The following MCUB variants were observed in gnomAD, a reference collection of about 807,000 sequenced individuals.
MCUB encodes the protein calcium uniporter regulatory subunit MCUb, mitochondrial.
MCUB carries 46 observed loss-of-function variants against 41.4 expected under a neutral mutation model. That is an observed-to-expected ratio of 1.11 (90% CI 0.88 to 1.42). MCUB has a LOEUF of 1.42. MCUB is among the 40% of genes most tolerant of loss of function. MCUB has a pLI of 0.00. For synonymous variants in MCUB, 148 were observed against 148.2 expected (o/e 1.00, Z 0.01); for missense variants, 403 against 404.9 (o/e 1.00, Z 0.04).
At chr4:109,681,087 C>T (rs796733701) in intron 4 of MCUB, among the ~76,000 whole-genome samples, 42 of 152,082 alleles carry the variant, frequency 2.8e-4, no homozygotes, top group African/African-American at 1.0e-3. Context: ...GGGATGGACC[C>T]CTGTGATAAG....
At position 109,560,344 on chromosome 4, in the gene MCUB, C is replaced by T; in HGVS notation, c.7C>T (p.Gln3Ter). 7.7e-7 allele frequency: 1 copy of T among 1,297,160 alleles called. No individual in the cohort carries two copies. The highest frequency in any genetic ancestry group is 9.8e-7 in the Non-Finnish European group (1 of 1,023,226). The allele number at this position is 1,297,160 out of a possible 1,614,324, so 80.4% of individuals were successfully genotyped here. A position where few individuals can be genotyped will look rare whatever the true frequency, so the allele number is the denominator to read the frequency against. The change falls in exon 1 of 8, where the codon CAG (glutamine) becomes TAG (stop). Residue 3 changes from glutamine to a stop codon, truncating the protein, a stop_gained. Coordinates refer to ENST00000394650, the MANE Select transcript of MCUB (RefSeq NM_017918.5). LOFTEE classifies it high-confidence loss of function. ML[Q>*]RGLWPWRTRL... is the part of the protein sequence containing the mutation. ...GCGCGCCTGGGGCGGGAGGATGCTC[C>T]AGAGGGGCCTCTGGCCGTGGCGCAC...
intron 1 of MCUB, among the ~76,000 whole-genome samples, chr4:109,563,746 C>T (rs548790461): frequency 2.6e-5 from 4 of 152,130 alleles, no homozygotes; most frequent in Non-Finnish European, 5.9e-5. Context: ...TCATTTGTGT[C>T]TTGGCAGAAA....
chr4:109,564,853 ATAAG>A (rs1317936070), intron 1 of MCUB, among the ~76,000 whole-genome samples: 1 of 152,222 alleles, frequency 6.6e-6, no homozygotes, highest in Non-Finnish European at 1.5e-5. Flanking sequence ...ATCCACTTCC[ATAAG>A]TGAGTGAGGA....
intron 1 of MCUB, among the ~76,000 whole-genome samples, chr4:109,611,508 A>G (rs548331620): frequency 6.6e-6 from 1 of 152,362 alleles, no homozygotes; most frequent in South Asian, 2.1e-4. Context: ...AGCAAAATCC[A>G]GATAAATCTT....
intron 1 of MCUB, among the ~76,000 whole-genome samples, chr4:109,567,518 C>T (rs1386926892): frequency 2.1e-5 from 2 of 93,162 alleles, no homozygotes; most frequent in Non-Finnish European, 4.0e-5. Flanking sequence ...TACTAAAATA[C>T]AAAAAATTAG....
chr4:109,636,587 C>A (rs1020484115), intron 1 of MCUB, among the ~76,000 whole-genome samples: 4 of 152,202 alleles, frequency 2.6e-5, no homozygotes, highest in African/African-American at 7.2e-5. Context: ...ATAATCCCAG[C>A]ACTTTAGGAG....
intron 1 of MCUB, among the ~76,000 whole-genome samples, chr4:109,572,787 T>C (rs1221393224): frequency 6.6e-6 from 1 of 152,200 alleles, no homozygotes; most frequent in African/African-American, 2.4e-5. Context: ...ATATTTTCAA[T>C]GGCTTTTCAT....
intron 1 of MCUB, among the ~76,000 whole-genome samples, chr4:109,638,031 G>C (rs1441143432): frequency 6.6e-6 from 1 of 150,914 alleles, no homozygotes; most frequent in Non-Finnish European, 1.5e-5. Flanking sequence ...TTTTTTGTTT[G>C]TTTTGTTTTG....
At chr4:109,658,698 G>T (rs1001261454) in intron 1 of MCUB, among the ~76,000 whole-genome samples, 3 of 152,130 alleles carry the variant, frequency 2.0e-5, no homozygotes, top group Non-Finnish European at 4.4e-5. Flanking sequence ...ATTTGTTTTA[G>T]ATTATTACCT....
chr4:109,597,534 CG>C (rs1727596798), intron 1 of MCUB, among the ~76,000 whole-genome samples: 1 of 124,248 alleles, frequency 8.0e-6, no homozygotes, highest in African/African-American at 3.1e-5. Flanking sequence ...CCCTCCCGGA[CG>C]GGGCGGCTGG....
chr4:109,610,086 T>C lies in MCUB; in HGVS notation c.100-48925T>C, dbSNP rs191394953. Among the ~76,000 whole-genome samples, 9 of 152,296 alleles carry C rather than the reference T, an allele frequency of 5.9e-5. No homozygotes were observed. The East Asian group carries it at 1.7e-3, about 29-fold the overall frequency. On this transcript the variant is annotated intron_variant, in intron 1 of 7. Coordinates refer to ENST00000394650, the MANE Select transcript of MCUB (RefSeq NM_017918.5). ...AGGCCCATGGGGAGTACAGCCAGGC[T>C]ACTGCCAATGTTCACTTAAGGCCCA...
chr4:109,685,247 T>C lies in MCUB; in HGVS notation c.817-4T>C. The C allele has an allele frequency of 8.4e-7, 1 of 1,190,668 alleles. No homozygotes were observed. The allele number at this position is 1,190,668 out of a possible 1,614,324, so 73.8% of individuals were successfully genotyped here. On this transcript the variant is annotated splice_polypyrimidine_tract_variant and splice_region_variant and intron_variant, in intron 6 of 7. Transcript: ENST00000394650. ...GTTTTCTTCTCTCTCTCTTTTTTTT[T>C]AAGGATTATACTTACTCAGCTGTTA... is the stretch of plus-strand genomic sequence containing the variant.
intron 1 of MCUB, among the ~76,000 whole-genome samples, chr4:109,607,855 T>C (rs1205069490): frequency 6.6e-6 from 1 of 152,230 alleles, no homozygotes; most frequent in African/African-American, 2.4e-5. Context: ...GATTATTAAA[T>C]GCCTTGAGGT....
chr4:109,580,067 C>T (rs1030886951), intron 1 of MCUB, among the ~76,000 whole-genome samples: 1 of 151,632 alleles, frequency 6.6e-6, no homozygotes, highest in Admixed American at 6.6e-5. Flanking sequence ...GTGTGGTGTT[C>T]CCCGCCCTGT....
chr4:109,572,076 C>T (rs1726927920), intron 1 of MCUB, among the ~76,000 whole-genome samples: 1 of 152,218 alleles, frequency 6.6e-6, no homozygotes, highest in Non-Finnish European at 1.5e-5. Flanking sequence ...ATAAGTGTTC[C>T]TCAGCAATAG....
At chr4:109,564,432 C>T (rs1579039616) in intron 1 of MCUB, among the ~76,000 whole-genome samples, 2 of 152,280 alleles carry the variant, frequency 1.3e-5, no homozygotes, top group Admixed American at 1.3e-4. Flanking sequence ...GACACTGCGC[C>T]CGGCTGGCTA....
chr4:109,598,083 C>G (rs576034017), intron 1 of MCUB, among the ~76,000 whole-genome samples: 3 of 149,390 alleles, frequency 2.0e-5, no homozygotes, highest in Admixed American at 2.0e-4. Context: ...GGATGGCGGC[C>G]GGACGGAGAC....
At chr4:109,658,834 A>G (rs542610366) in intron 1 of MCUB, among the ~76,000 whole-genome samples, 177 bp from the exon 2 acceptor site, 34 of 152,318 alleles carry the variant, frequency 2.2e-4, no homozygotes, top group Non-Finnish European at 4.6e-4. Flanking sequence ...AGGCAAGCAT[A>G]TAGCCAGGAA....
chr4:109,602,079 A>C (rs1445663095), intron 1 of MCUB, among the ~76,000 whole-genome samples: 1 of 152,090 alleles, frequency 6.6e-6, no homozygotes, highest in African/African-American at 2.4e-5. Flanking sequence ...TTTTTTTCTC[A>C]TAGAGTTGTT....
Sources: gnomAD v4.1 joint callset for allele counts (sites outside exome capture counted in the v4.1 genomes callset) on GRCh38, gnomAD v4.1.1 for gene constraint, MANE v1.5 for transcripts, NCBI Gene and HGNC (gene_info 2026-07-23, HGNC 2026-07-21) for gene names.